LYPLAL1: variants seen among roughly 807,000 people sequenced by gnomAD.
LYPLAL1 encodes lysophospholipase like 1.
In LYPLAL1, 23 loss-of-function variants were observed where a neutral mutation model predicts 19.7. The ratio of observed to expected loss-of-function variants is 1.17; its 90% CI spans 0.84 to 1.65. LYPLAL1 has a LOEUF of 1.65. Ranked by LOEUF, LYPLAL1 falls within the 40% of genes most tolerant of loss-of-function variation. The pLI, the probability that LYPLAL1 is intolerant of heterozygous loss-of-function variation, is 0.00. For synonymous variants in LYPLAL1, 119 were observed against 96.3 expected (o/e 1.24, Z -1.38); for missense variants, 355 against 279.4 (o/e 1.27, Z -1.93).
chr1:219,279,663 A>C, the LYPLAL1 span, among the ~76,000 whole-genome samples: 1 of 152,338 alleles, frequency 6.6e-6, no homozygotes, highest in South Asian at 2.1e-4. Flanking sequence ...TAATGGTTCC[A>C]AGCTTATTTA....
chr1:219,209,993 T>G (rs1203164373), intron 3 of LYPLAL1, among the ~76,000 whole-genome samples: 1 of 152,124 alleles, frequency 6.6e-6, no homozygotes, highest in East Asian at 1.9e-4. Context: ...CACCATAAAT[T>G]AGTTTCCAAA....
At chr1:219,244,024 G>A in the LYPLAL1 span, among the ~76,000 whole-genome samples, 1 of 151,738 alleles carries the variant, frequency 6.6e-6, no homozygotes, top group African/African-American at 2.4e-5. Context: ...ATGTACAAGA[G>A]GAAAGCAGGC....
the LYPLAL1 span, among the ~76,000 whole-genome samples, chr1:219,347,245 A>G: frequency 2.6e-5 from 4 of 151,856 alleles, no homozygotes. Context: ...TGATTAATTC[A>G]CTTTTTGGCC....
At chr1:219,443,863 T>C in the LYPLAL1 span, among the ~76,000 whole-genome samples, 5 of 152,206 alleles carry the variant, frequency 3.3e-5, no homozygotes, top group Non-Finnish European at 7.3e-5. Context: ...CCACTTCTGG[T>C]AGCTCAGGGT....
chr1:219,411,038 C>T, the LYPLAL1 span, among the ~76,000 whole-genome samples: 8 of 152,212 alleles, frequency 5.3e-5, no homozygotes, highest in African/African-American at 1.9e-4. Flanking sequence ...GGAATGCGAG[C>T]GCACGGCACA....
At chr1:219,375,988 G>A in the LYPLAL1 span, among the ~76,000 whole-genome samples, 14 of 151,932 alleles carry the variant, frequency 9.2e-5, no homozygotes, top group East Asian at 5.8e-4. Flanking sequence ...TGATTCACCC[G>A]CCTCGGCCTC....
At chr1:219,347,793 T>A in the LYPLAL1 span, among the ~76,000 whole-genome samples, 1 of 151,746 alleles carries the variant, frequency 6.6e-6, no homozygotes, top group Non-Finnish European at 1.5e-5. Flanking sequence ...ATGAGACAGG[T>A]CAATTGGGTG....
At chr1:219,328,660 T>C in the LYPLAL1 span, among the ~76,000 whole-genome samples, 5 of 152,192 alleles carry the variant, frequency 3.3e-5, no homozygotes, top group Admixed American at 3.3e-4. Flanking sequence ...ACAATATCTA[T>C]ATAAATAAGC....
At chr1:219,413,315 G>C in the LYPLAL1 span, among the ~76,000 whole-genome samples, 1 of 152,104 alleles carries the variant, frequency 6.6e-6, no homozygotes, top group Non-Finnish European at 1.5e-5. Flanking sequence ...CCATCTTTTT[G>C]TTTATTTTTA....
chr1:219,191,091 C>G (rs1036389096), intron 2 of LYPLAL1, among the ~76,000 whole-genome samples: 19 of 151,612 alleles, frequency 1.3e-4, no homozygotes, highest in African/African-American at 4.4e-4. Flanking sequence ...TAAATGGTAA[C>G]ATTTTAATGT....
chr1:219,244,269 G>A, the LYPLAL1 span, among the ~76,000 whole-genome samples: 1 of 152,170 alleles, frequency 6.6e-6, no homozygotes, highest in Non-Finnish European at 1.5e-5. Context: ...ATAAAGAAAG[G>A]CACAGGGAAG....
the LYPLAL1 span, among the ~76,000 whole-genome samples, chr1:219,253,404 T>C: frequency 6.6e-6 from 1 of 152,068 alleles, no homozygotes. Flanking sequence ...CTTTTTGATA[T>C]AGGCATTAAG....
At chr1:219,240,723 G>T in the LYPLAL1 span, among the ~76,000 whole-genome samples, 8 of 152,198 alleles carry the variant, frequency 5.3e-5, no homozygotes, top group South Asian at 2.1e-4. Context: ...TATTTATTAT[G>T]TACGGACAGT....
At chr1:219,416,550 A>G in the LYPLAL1 span, among the ~76,000 whole-genome samples, 1 of 152,186 alleles carries the variant, frequency 6.6e-6, no homozygotes, top group Non-Finnish European at 1.5e-5. Context: ...AGTCAGCAAC[A>G]TATGGGCTTT....
chr1:219,438,604 G>A, the LYPLAL1 span, among the ~76,000 whole-genome samples: 7 of 152,082 alleles, frequency 4.6e-5, no homozygotes, highest in Admixed American at 2.6e-4. Context: ...AAGTTTCTTG[G>A]GGATTCCCAC....
chr1:219,174,546 G>A (rs973933179), intron 1 of LYPLAL1, among the ~76,000 whole-genome samples: 3 of 151,584 alleles, frequency 2.0e-5, no homozygotes, highest in African/African-American at 7.3e-5. Flanking sequence ...TCCCTTTCCC[G>A]CCTGTGTCAT....
chr1:219,298,779 C>A, the LYPLAL1 span, among the ~76,000 whole-genome samples: 1 of 152,330 alleles, frequency 6.6e-6, no homozygotes, highest in East Asian at 1.9e-4. Flanking sequence ...TTTCTTTTTT[C>A]TACACTGATG....
intron 1 of LYPLAL1, among the ~76,000 whole-genome samples, chr1:219,176,910 A>G (rs1655864680): frequency 6.6e-6 from 1 of 152,228 alleles, no homozygotes; most frequent in African/African-American, 2.4e-5. Context: ...ACAGCAATGA[A>G]AAAAACAAAT....
At chr1:219,238,891 A>G in the LYPLAL1 span, among the ~76,000 whole-genome samples, 4 of 152,204 alleles carry the variant, frequency 2.6e-5, no homozygotes, top group African/African-American at 9.6e-5. Context: ...CATTTTCTAT[A>G]TGAATTCACC....
Sources: gnomAD v4.1 joint callset for allele counts (sites outside exome capture counted in the v4.1 genomes callset) on GRCh38, gnomAD v4.1.1 for gene constraint, MANE v1.5 for transcripts, NCBI Gene and HGNC (gene_info 2026-07-23, HGNC 2026-07-21) for gene names.